The following UGT1A3 variants were observed in gnomAD, a reference collection of about 807,000 sequenced individuals.
UGT1A3 encodes UDP-glucuronosyltransferase 1A3.
A neutral mutation model predicts 41.0 loss-of-function variants in UGT1A3; 31 were observed. The observed-to-expected ratio is 0.76, with a 90% CI of 0.57 to 1.02. The LOEUF is 1.02. Ranked by LOEUF, UGT1A3 falls within the 50% of genes least tolerant of loss-of-function variation. The probability of loss-of-function intolerance (pLI) is 0.00; values close to 1 mark genes in which losing one functional copy is unlikely to be tolerated. For synonymous variants in UGT1A3, 262 were observed against 257.6 expected (o/e 1.02, Z -0.17); for missense variants, 737 against 671.0 (o/e 1.10, Z -1.09).
In UGT1A3 at chr2:233,729,534, C is replaced by A; in HGVS notation, c.408C>A (p.Ala136=). Residue 136 remains alanine (A), a synonymous_variant, in exon 1 of 5, where the codon GCC becomes GCA. Transcript: ENST00000482026. ...RSCVELLHNE[A]LIRHLNATSF... is the part of the protein sequence containing the mutation. ...GTGTGGAGCTACTACATAATGAGGCCCTGATCAGGCACCTGAATGCTACTT... is the reference window on the plus strand; with the variant it reads ...GTGTGGAGCTACTACATAATGAGGCACTGATCAGGCACCTGAATGCTACTT... The A allele has an allele frequency of 6.2e-7, 1 of 1,614,090 alleles. No homozygotes were observed. Among genetic ancestry groups the A allele is most frequent in the Non-Finnish European group, 8.5e-7 (1 of 1,180,024 alleles).
chr2:233,772,131 CAAT>C, intron 4 of UGT1A3, 128 bp from the exon 5 acceptor site: 4 of 1,543,198 alleles, frequency 2.6e-6, no homozygotes, highest in Middle Eastern at 2.3e-4. Flanking sequence ...ACAACAACAA[CAAT>C]AATAGAAACA....
At chr2:233,730,293 G>T (rs1228640650) in intron 1 of UGT1A3, among the ~76,000 whole-genome samples, 1 of 152,186 alleles carries the variant, frequency 6.6e-6, no homozygotes, top group East Asian at 1.9e-4. Context: ...TCATGGTTGT[G>T]CATGTCCTTC....
At chr2:233,763,196 G>C (rs1166459393) in intron 1 of UGT1A3, among the ~76,000 whole-genome samples, 1 of 152,152 alleles carries the variant, frequency 6.6e-6, no homozygotes, top group Non-Finnish European at 1.5e-5. Context: ...TGCCTTGTTT[G>C]GTGCAGTCAG....
chr2:233,760,558 T>G, intron 1 of UGT1A3: 1 of 1,614,006 alleles, frequency 6.2e-7, no homozygotes, highest in Non-Finnish European at 8.5e-7. Context: ...TGTGAAAGAG[T>G]CTTTTGTTAG....
Position 233,767,180 on chromosome 2 carries a change from T to C in UGT1A3, c.999+15T>C, listed in dbSNP as rs4148327. 1,996 of 1,614,008 alleles carry C rather than the reference T, an allele frequency of 1.2e-3. 35 individuals are homozygous for C. In the East Asian group the frequency reaches 0.04, roughly 32 times the overall value. On this transcript the variant is annotated intron_variant, in intron 2 of 4. Transcript: ENST00000482026. Reference sequence around the variant, plus strand: ...TCCCTCAGACAGTAAGAAGATTCTATACCATGGCCTCATATCTATTTTCAC... The same window carrying C: ...TCCCTCAGACAGTAAGAAGATTCTACACCATGGCCTCATATCTATTTTCAC...
At chr2:233,744,050 T>G in intron 1 of UGT1A3, 1 of 675,568 alleles carries the variant, frequency 1.5e-6, no homozygotes, top group Non-Finnish European at 2.1e-6. Flanking sequence ...CCACATCTCA[T>G]TGGTCGAGGC....
rs1285354199 is a variant in UGT1A3 at position 233,768,247 on chromosome 2, C to T, written c.1115C>T (p.Thr372Ile). The part of the protein sequence containing the change: ...LGHPMTRAFI[T>I]HAGSHGVYES... ...CACCCGATGACCCGTGCCTTTATCA[C>T]CCATGCTGGTTCCCATGGTGTTTAT... Residue 372 changes from threonine to isoleucine, a missense_variant, in exon 4 of 5, where the codon ACC (threonine) becomes ATC (isoleucine). By Grantham distance (89) the Thr-to-Ile change is moderately conservative (BLOSUM62 -1). Coordinates refer to ENST00000482026, the MANE Select transcript of UGT1A3 (RefSeq NM_019093.4). 4 of 1,614,056 alleles carry T rather than the reference C, an allele frequency of 2.5e-6. No individual in the cohort carries two copies. Among genetic ancestry groups the T allele is most frequent in the Non-Finnish European group, 3.4e-6 (4 of 1,180,046 alleles).
intron 1 of UGT1A3, chr2:233,754,823 A>T (rs1695601999): frequency 7.5e-7 from 1 of 1,338,226 alleles, no homozygotes; most frequent in South Asian, 1.2e-5. Flanking sequence ...CACCCTCAAA[A>T]GCTGGAAATT....
intron 1 of UGT1A3, chr2:233,753,481 C>G (rs1199479898): frequency 6.6e-6 from 1 of 152,192 alleles, no homozygotes; most frequent in African/African-American, 2.4e-5. Flanking sequence ...TACCAGCATG[C>G]TGCTCTTAAT....
At chr2:233,764,686 A>G (rs1297996810) in intron 1 of UGT1A3, among the ~76,000 whole-genome samples, 1 of 152,166 alleles carries the variant, frequency 6.6e-6, no homozygotes, top group African/African-American at 2.4e-5. Context: ...GAACTTGAAG[A>G]GCACTTGGAA....
intron 1 of UGT1A3, chr2:233,761,067 T>C (rs1431222562): frequency 6.2e-7 from 1 of 1,614,228 alleles, no homozygotes; most frequent in African/African-American, 1.3e-5. Flanking sequence ...GAAGTGACTT[T>C]GTGAAGGATT....
At position 233,768,260 on chromosome 2, in the gene UGT1A3, C is replaced by T; in HGVS notation, c.1128C>T (p.Ser376=). The T allele has an allele frequency of 6.2e-7, 1 of 1,614,136 alleles. No individual in the cohort carries two copies. Among genetic ancestry groups the T allele is most frequent in the Non-Finnish European group, 8.5e-7 (1 of 1,180,024 alleles). The change falls in exon 4 of 5, where the codon TCC becomes TCT. Residue 376 remains serine, a synonymous_variant. Transcript: ENST00000482026. ...MTRAFITHAG[S]HGVYESICNG... Reference sequence around the variant, plus strand: ...GTGCCTTTATCACCCATGCTGGTTCCCATGGTGTTTATGAAAGCATATGCA... The same window carrying T: ...GTGCCTTTATCACCCATGCTGGTTCTCATGGTGTTTATGAAAGCATATGCA...
At chr2:233,752,269 G>A (rs746568947) in intron 1 of UGT1A3, 1 of 152,190 alleles carries the variant, frequency 6.6e-6, no homozygotes, top group Non-Finnish European at 1.5e-5. Flanking sequence ...AGGACTCCAG[G>A]TCTCTTGGGG....
chr2:233,742,517 C>A (rs1053081898), intron 1 of UGT1A3, among the ~76,000 whole-genome samples: 5 of 151,892 alleles, frequency 3.3e-5, no homozygotes, highest in African/African-American at 1.2e-4. Context: ...GAACACGTCA[C>A]AGTGCTGCAG....
chr2:233,753,072 ACTC>A (rs1477069056), intron 1 of UGT1A3: 1 of 151,486 alleles, frequency 6.6e-6, no homozygotes, highest in Non-Finnish European at 1.5e-5. Context: ...CCACCTCAAA[ACTC>A]CTTTTATTCC....
chr2:233,744,126 G>T (rs1692701514), intron 1 of UGT1A3: 3 of 357,170 alleles, frequency 8.4e-6, no homozygotes, highest in Admixed American at 7.7e-5. Context: ...GTGAGGCTCT[G>T]TGAGGCCCTG....
In UGT1A3 at chr2:233,755,078, G is replaced by C. The variant is rs756759474; in HGVS notation, c.868-11956G>C. On this transcript the variant is annotated intron_variant, in intron 1 of 4. Coordinates refer to ENST00000482026, the MANE Select transcript of UGT1A3 (RefSeq NM_019093.4). ...CCCTCGCCTCGCCATAGCGGTCATAGATATCGCGTTTCTACGCGTCCGACA... is the reference window on the plus strand; with the variant it reads ...CCCTCGCCTCGCCATAGCGGTCATACATATCGCGTTTCTACGCGTCCGACA... The C allele has an allele frequency of 6.7e-6, 9 of 1,336,426 alleles. No homozygotes were observed. In the East Asian group the frequency reaches 2.3e-4, roughly 34 times the overall value. The allele number at this position is 1,336,426 out of a possible 1,614,324, so 82.8% of individuals were successfully genotyped here.
chr2:233,738,464 T>C (rs1182388871), intron 1 of UGT1A3, among the ~76,000 whole-genome samples: 1 of 152,210 alleles, frequency 6.6e-6, no homozygotes, highest in Non-Finnish European at 1.5e-5. Flanking sequence ...GTGGGAAAGT[T>C]TGGAACTTCC....
At chr2:233,766,909 C>G in intron 1 of UGT1A3, 125 bp from the exon 2 acceptor site, 2 of 1,513,870 alleles carry the variant, frequency 1.3e-6, no homozygotes, top group South Asian at 1.3e-5. Flanking sequence ...ATTTTTTACT[C>G]TATCTCAAAC....
Sources: allele counts gnomAD v4.1 joint callset (sites outside exome capture counted in the v4.1 genomes callset), GRCh38; gene constraint gnomAD v4.1.1; transcripts MANE v1.5; gene names NCBI Gene and HGNC (gene_info 2026-07-23, HGNC 2026-07-21).